TRIM33: variants seen among roughly 807,000 people sequenced by gnomAD.
The protein encoded by TRIM33 is tripartite motif containing 33.
Under a neutral mutation model 125.4 loss-of-function variants are expected in TRIM33, and 20 were observed. That is an observed-to-expected ratio of 0.16 (90% CI 0.11 to 0.23). TRIM33 has a LOEUF of 0.23. Among genes scored for constraint, TRIM33 ranks in the 10% least tolerant of loss-of-function variants. TRIM33 has a pLI of 1.00. For missense variants in TRIM33, 920 were observed against 1,411.4 expected, an observed-to-expected ratio of 0.65 and a Z score of 5.58; for synonymous variants, 564 against 513.9, an observed-to-expected ratio of 1.10 and a Z score of -1.32.
intron 1 of TRIM33, among the ~76,000 whole-genome samples, chr1:114,482,785 CT>C (rs1355944894): frequency 1.3e-5 from 2 of 152,190 alleles, no homozygotes; most frequent in Non-Finnish European, 2.9e-5. Context: ...TTCACTCTCT[CT>C]TCCTCCTGTC....
chr1:114,445,096 C>T (rs6537828), intron 4 of TRIM33, among the ~76,000 whole-genome samples: 1 of 151,950 alleles, frequency 6.6e-6, no homozygotes, highest in Admixed American at 6.6e-5. Context: ...ATGTGACCAT[C>T]AACACACATC....
intron 1 of TRIM33, among the ~76,000 whole-genome samples, chr1:114,500,164 C>T (rs1056990756): frequency 6.6e-6 from 1 of 152,146 alleles, no homozygotes; most frequent in African/African-American, 2.4e-5. Context: ...GAGACTCTGT[C>T]TCAAAATATA....
intron 1 of TRIM33, chr1:114,490,776 A>T (rs1177840272): frequency 1.3e-5 from 2 of 152,190 alleles, no homozygotes; most frequent in Non-Finnish European, 2.9e-5. Context: ...TCAGTTACAG[A>T]TCTAAGTCTT....
chr1:114,489,597 A>C (rs1436968392), intron 1 of TRIM33, among the ~76,000 whole-genome samples: 2 of 151,736 alleles, frequency 1.3e-5, no homozygotes, highest in African/African-American at 4.8e-5. Context: ...AAATAAAAAC[A>C]TTAGCTGGGT....
chr1:114,510,862 G>A lies in TRIM33; in HGVS notation c.215C>T (p.Ser72Leu), dbSNP rs1357700099. The A allele has an allele frequency of 6.1e-6, 9 of 1,469,706 alleles. No individual in the cohort carries two copies. In the Admixed American group the frequency reaches 7.2e-5, roughly 12 times the overall value. The allele number at this position is 1,469,706 out of a possible 1,614,324, so 91.0% of individuals were successfully genotyped here. The part of the protein sequence containing the change: ...PDDGGVAAAS[S>L]GSAQAASSPA... ...AGATGAAGCAGCCTGGGCCGAGCCC[G>A]AGGAGGCCGCGGCCACCCCCCCGTC... The change falls in exon 1 of 20, where the codon TCG becomes TTG. Residue 72 changes from serine (S) to leucine (L), a missense_variant. Around this residue, in one of 8 missense-constraint regions of TRIM33, gnomAD observed 233 missense variants for 189.6 expected, o/e 1.23. Coordinates refer to ENST00000358465, the MANE Select transcript of TRIM33 (RefSeq NM_015906.4).
intron 1 of TRIM33, among the ~76,000 whole-genome samples, chr1:114,497,831 A>C (rs931860231): frequency 2.6e-5 from 4 of 152,048 alleles, no homozygotes; most frequent in Non-Finnish European, 5.9e-5. Context: ...GGAGACAACC[A>C]AGGATCATCT....
At chr1:114,508,321 T>G (rs892828159) in intron 1 of TRIM33, among the ~76,000 whole-genome samples, 2 of 152,128 alleles carry the variant, frequency 1.3e-5, no homozygotes, top group Non-Finnish European at 2.9e-5. Context: ...GAGAGCCAAT[T>G]TCATAACCTC....
intron 17 of TRIM33, among the ~76,000 whole-genome samples, chr1:114,400,457 C>A (rs1052272813): frequency 2.6e-5 from 4 of 152,172 alleles, no homozygotes; most frequent in Non-Finnish European, 5.9e-5. Flanking sequence ...GCCTGCCAGG[C>A]CTCCCAAAAT....
At chr1:114,462,952 A>C in intron 4 of TRIM33, 152 bp downstream of exon 4, 2 of 549,696 alleles carry the variant, frequency 3.6e-6, no homozygotes, top group Non-Finnish European at 5.8e-6. Flanking sequence ...ATAATTTACC[A>C]AAACATATAT....
intron 1 of TRIM33, among the ~76,000 whole-genome samples, chr1:114,496,825 T>C (rs547660776): frequency 6.6e-6 from 1 of 152,360 alleles, no homozygotes; most frequent in East Asian, 1.9e-4. Context: ...GAAATTCTGC[T>C]GTGATCAGAT....
chr1:114,506,459 C>T (rs1169027012), intron 1 of TRIM33, among the ~76,000 whole-genome samples: 2 of 151,758 alleles, frequency 1.3e-5, no homozygotes, highest in African/African-American at 2.4e-5. Context: ...ATCATTGTGC[C>T]ATCTCAGAGG....
chr1:114,467,442 C>A (rs1216097181), intron 1 of TRIM33, among the ~76,000 whole-genome samples: 1 of 152,036 alleles, frequency 6.6e-6, no homozygotes, highest in Non-Finnish European at 1.5e-5. Flanking sequence ...GTGGAGGGAG[C>A]TACCAGCATG....
In TRIM33 at chr1:114,463,405, A is replaced by G. The variant is rs762518733; in HGVS notation, c.790+7T>C. ...TCATTGTAATGATTACAATGCATCTATCTTACCTGAGACATCTTCTTTCTT... is the reference window on the plus strand; with the variant it reads ...TCATTGTAATGATTACAATGCATCTGTCTTACCTGAGACATCTTCTTTCTT... On this transcript the variant is annotated splice_region_variant and intron_variant, in intron 3 of 19. Coordinates refer to ENST00000358465, the MANE Select transcript of TRIM33 (RefSeq NM_015906.4). 6.2e-7 allele frequency: 1 copy of G among 1,611,776 alleles called. No individual in the cohort carries two copies. The highest frequency in any genetic ancestry group is 2.2e-5 in the East Asian group (1 of 44,820).
chr1:114,505,314 A>G (rs1652930340), intron 1 of TRIM33, among the ~76,000 whole-genome samples: 1 of 152,130 alleles, frequency 6.6e-6, no homozygotes, highest in South Asian at 2.1e-4. Context: ...GAGAGTCAGA[A>G]AAAGTAGAGC....
chr1:114,413,324 C>T (rs1652704496), intron 11 of TRIM33, among the ~76,000 whole-genome samples: 1 of 151,816 alleles, frequency 6.6e-6, no homozygotes, highest in Non-Finnish European at 1.5e-5. Flanking sequence ...TTTAGGAGGC[C>T]GAGGTGAGCA....
intron 1 of TRIM33, among the ~76,000 whole-genome samples, chr1:114,496,692 A>G (rs1026762484): frequency 6.6e-6 from 1 of 152,224 alleles, no homozygotes; most frequent in Admixed American, 6.5e-5. Context: ...TAAAATTCTC[A>G]TTTAATTGGG....
At chr1:114,420,281 G>T in intron 11 of TRIM33, 2 of 558,676 alleles carry the variant, frequency 3.6e-6, no homozygotes, top group Non-Finnish European at 3.3e-6. Context: ...CTCAGTATAA[G>T]CCTCAAAGTG....
chr1:114,447,471 T>A (rs906728139), intron 4 of TRIM33, among the ~76,000 whole-genome samples: 8 of 152,008 alleles, frequency 5.3e-5, no homozygotes, highest in Non-Finnish European at 7.4e-5. Context: ...TGATCAGTAG[T>A]TGAGTTTTGG....
rs567306985 is a variant in TRIM33, at chr1:114,495,295, C to T, written c.526+15256G>A. ...TCTTATACTAGTTACTTTCCTAGTT[C>T]CTGAAGGCATCTGAGTTTGTGCTAT... On this transcript the variant is annotated intron_variant, in intron 1 of 19. Coordinates refer to ENST00000358465, the MANE Select transcript of TRIM33 (RefSeq NM_015906.4). Among the ~76,000 whole-genome samples, 3 of 152,154 alleles carry T rather than the reference C, an allele frequency of 2.0e-5. No individual in the cohort carries two copies. The South Asian group carries it at 6.2e-4, about 32-fold the overall frequency.
Sources: allele counts gnomAD v4.1 joint callset (sites outside exome capture counted in the v4.1 genomes callset), GRCh38; gene constraint gnomAD v4.1.1; regional missense constraint gnomAD v4.1.1; transcripts MANE v1.5; gene names NCBI Gene and HGNC (gene_info 2026-07-23, HGNC 2026-07-21).